VCL: variants seen among roughly 807,000 people sequenced by gnomAD.
VCL encodes epididymis luminal protein 114.
In VCL, 47 loss-of-function variants were observed where a neutral mutation model predicts 125.7. That is an observed-to-expected ratio of 0.37 (90% CI 0.30 to 0.48). The LOEUF (loss-of-function observed/expected upper bound fraction) is 0.48, where lower values mean the gene tolerates loss of function less well. VCL is among the 20% of genes least tolerant of loss of function. The pLI, the probability that VCL is intolerant of heterozygous loss-of-function variation, is 0.99. For missense variants in VCL, 1,069 were observed against 1,455.5 expected (o/e 0.73, Z 4.32); for synonymous variants, 458 against 514.6 (o/e 0.89, Z 1.49).
rs574769425 is a variant in VCL, at chr10:74,043,162, T to C, written c.239+9T>C. 11 of 1,610,746 alleles carry C rather than the reference T, an allele frequency of 6.8e-6. No individual in the cohort carries two copies. Among genetic ancestry groups the C allele is most frequent in the Middle Eastern group, 1.7e-4 (1 of 6,046 alleles). On this transcript the variant is annotated intron_variant, in intron 2 of 21. Transcript: ENST00000211998. ...CCACCAGCATTTATTAAGTGAGTAATTGAAATATTCTTCTGTTGCTAAGCA... is the reference window on the plus strand; with the variant it reads ...CCACCAGCATTTATTAAGTGAGTAACTGAAATATTCTTCTGTTGCTAAGCA...
chr10:74,068,361 GTTGCCCA>G (rs1841608018), intron 2 of VCL, among the ~76,000 whole-genome samples: 1 of 151,638 alleles, frequency 6.6e-6, no homozygotes, highest in South Asian at 2.1e-4. Context: ...GTCTTGCTCT[GTTGCCCA>G]GGCTGGAGTG....
At chr10:74,077,430 A>G (rs1360683611) in intron 6 of VCL, 2 of 172,972 alleles carry the variant, frequency 1.2e-5, no homozygotes, top group Non-Finnish European at 2.5e-5. Flanking sequence ...TCTAAGAGTA[A>G]TCATTTCTAT....
intron 8 of VCL, among the ~76,000 whole-genome samples, chr10:74,088,903 A>C (rs1057032332): frequency 3.3e-5 from 5 of 152,242 alleles, no homozygotes; most frequent in African/African-American, 9.6e-5. Context: ...ACTGAAGTTT[A>C]GATTGGATTA....
intron 1 of VCL, among the ~76,000 whole-genome samples, chr10:74,035,130 A>G (rs1443847126): frequency 6.6e-6 from 1 of 152,244 alleles, no homozygotes; most frequent in African/African-American, 2.4e-5. Flanking sequence ...AATAAGTAAC[A>G]CAAGTCTTCT....
At chr10:74,013,910 A>G (rs1840484989) in intron 1 of VCL, among the ~76,000 whole-genome samples, 1 of 152,226 alleles carries the variant, frequency 6.6e-6, no homozygotes, top group African/African-American at 2.4e-5. Flanking sequence ...ATTTAAAAAA[A>G]AAATGTCTAA....
At chr10:74,086,665 A>G (rs1839780626) in intron 8 of VCL, among the ~76,000 whole-genome samples, 1 of 152,228 alleles carries the variant, frequency 6.6e-6, no homozygotes, top group Non-Finnish European at 1.5e-5. Flanking sequence ...GAGCAAGAGA[A>G]TGAGGTAGTT....
chr10:74,105,940 G>A (rs1591713935), intron 16 of VCL, among the ~76,000 whole-genome samples: 1 of 123,670 alleles, frequency 8.1e-6, no homozygotes, highest in South Asian at 2.5e-4. Context: ...TTTTTGAGAC[G>A]GAGTTTTGCT....
intron 11 of VCL, among the ~76,000 whole-genome samples, chr10:74,095,318 C>T (rs113693230): frequency 2.1e-4 from 32 of 152,012 alleles, no homozygotes; most frequent in African/African-American, 9.7e-5. Flanking sequence ...TGGCTGGGTG[C>T]GGTGGCTCAT....
rs114197513 is a variant in VCL at position 74,004,270 on chromosome 10, C to A, written c.168+5895C>A. 6.2e-3 allele frequency among the ~76,000 whole-genome samples: 940 copies of A among 152,124 alleles called. 14 individuals are homozygous for A. Among genetic ancestry groups the A allele is most frequent in the African/African-American group, 0.022 (893 of 41,500 alleles). On this transcript the variant is annotated intron_variant, in intron 1 of 21. Transcript: ENST00000211998. Reference sequence around the variant, plus strand: ...TAAATAAAAAGAATATTTATGTGATCATTTATAGCTCATAAAATACTTTTA... The same window carrying A: ...TAAATAAAAAGAATATTTATGTGATAATTTATAGCTCATAAAATACTTTTA...
rs201020802 is a variant in VCL, at chr10:74,072,856, C to T, written c.622+4C>T. 479 of 1,613,970 alleles carry T rather than the reference C, an allele frequency of 3.0e-4. 3 individuals carry two copies. The African/African-American group carries it at 5.2e-3, about 18-fold the overall frequency. ...TTGCTGCCAGTTCTCATTTCAGGTACTTCCTGCCTGTACTTTATTTTATAG... is the reference window on the plus strand; with the variant it reads ...TTGCTGCCAGTTCTCATTTCAGGTATTTCCTGCCTGTACTTTATTTTATAG... On this transcript the variant is annotated splice_donor_region_variant and intron_variant, in intron 5 of 21. Coordinates refer to ENST00000211998, the MANE Select transcript of VCL (RefSeq NM_014000.3).
chr10:74,073,591 G>A (rs1839525490), intron 5 of VCL, among the ~76,000 whole-genome samples: 1 of 152,184 alleles, frequency 6.6e-6, no homozygotes, highest in Non-Finnish European at 1.5e-5. Context: ...TTTTTAGTGT[G>A]TATTAATCCA....
intron 10 of VCL, among the ~76,000 whole-genome samples, chr10:74,091,634 A>T (rs1839886642): frequency 1.3e-5 from 2 of 150,960 alleles, no homozygotes; most frequent in African/African-American, 4.9e-5. Context: ...ACTAAAAAAA[A>T]TACAAAAATT....
At chr10:74,095,529 C>T in intron 11 of VCL, 127 bp from the exon 12 acceptor site, 1 of 1,201,932 alleles carries the variant, frequency 8.3e-7, no homozygotes, top group Non-Finnish European at 1.2e-6. Flanking sequence ...GTCAAGGCTG[C>T]AATGAGCTGT....
Position 74,105,079 on chromosome 10 carries a change from A to G in VCL, c.2160A>G (p.Lys720=), listed in dbSNP as rs778936265. The part of the protein sequence containing the change: ...TGLVDEAIDT[K]SLLDASEEAI... ...TGGTGGACGAAGCCATTGATACCAAATCTCTGTTGGATGCTTCAGAAGAAG... is the reference window on the plus strand; with the variant it reads ...TGGTGGACGAAGCCATTGATACCAAGTCTCTGTTGGATGCTTCAGAAGAAG... Residue 720 remains lysine, a synonymous_variant, in exon 16 of 22, where the codon AAA becomes AAG. Coordinates refer to ENST00000211998, the MANE Select transcript of VCL (RefSeq NM_014000.3). The G allele has an allele frequency of 6.2e-7, 1 of 1,614,162 alleles. No homozygotes were observed. The highest frequency in any genetic ancestry group is 8.5e-7 in the Non-Finnish European group (1 of 1,180,030).
At position 74,112,804 on chromosome 10, in the gene VCL, C is replaced by T. The variant is rs369757247; in HGVS notation, c.2949+692C>T. 9.9e-5 allele frequency among the ~76,000 whole-genome samples: 15 copies of T among 152,128 alleles called. No individual in the cohort carries two copies. In the South Asian group the frequency reaches 1.3e-3, roughly 13 times the overall value. On this transcript the variant is annotated intron_variant, in intron 19 of 21. Transcript: ENST00000211998. ...AGGGTGATTGGGGTGATCACTTTTC[C>T]CTTTAAAGGTGGCATGCTGCAAGAA... is the stretch of plus-strand genomic sequence containing the variant.
intron 20 of VCL, among the ~76,000 whole-genome samples, 147 bp from the exon 21 acceptor site, chr10:74,114,640 CCCTAGGGG>C (rs2131940455): frequency 6.6e-6 from 1 of 151,378 alleles, no homozygotes; most frequent in South Asian, 2.1e-4. Context: ...ATTGTACTGA[CCCTAGGGG>C]AAAAAACAAG....
At chr10:74,105,857 T>C (rs1840123751) in intron 16 of VCL, among the ~76,000 whole-genome samples, 1 of 149,478 alleles carries the variant, frequency 6.7e-6, no homozygotes, top group Admixed American at 6.7e-5. Context: ...GCCCAACCTC[T>C]GCGCTTTTTT....
At chr10:74,117,884 A>C in intron 21 of VCL, 139 bp from the exon 22 acceptor site, 1 of 1,241,036 alleles carries the variant, frequency 8.1e-7, no homozygotes, top group Non-Finnish European at 1.2e-6. Flanking sequence ...ATCTGGGAAA[A>C]CCCCTAGTGA....
At chr10:74,087,856 A>G (rs1839813278) in intron 8 of VCL, among the ~76,000 whole-genome samples, 1 of 152,196 alleles carries the variant, frequency 6.6e-6, no homozygotes, top group East Asian at 2.0e-4. Flanking sequence ...CATGCCTGTA[A>G]TCTCAGCTAC....
Sources: gnomAD v4.1 joint callset for allele counts (sites outside exome capture counted in the v4.1 genomes callset) on GRCh38, gnomAD v4.1.1 for gene constraint, MANE v1.5 for transcripts, NCBI Gene and HGNC (gene_info 2026-07-23, HGNC 2026-07-21) for gene names.